Variants in HIVEP3 observed in about 807,000 individuals in gnomAD.
The protein encoded by HIVEP3 is transcription factor HIVEP3.
HIVEP3 carries 49 observed loss-of-function variants against 152.8 expected under a neutral mutation model. That is an observed-to-expected ratio of 0.32 (90% CI 0.26 to 0.41). HIVEP3 has a LOEUF of 0.41. HIVEP3 is among the 10% of genes least tolerant of loss of function. The pLI is 1.00. For missense variants in HIVEP3, 2,790 were observed against 3,103.3 expected, an observed-to-expected ratio of 0.90 and a Z score of 2.40; for synonymous variants, 1,269 against 1,289.0, an observed-to-expected ratio of 0.98 and a Z score of 0.33.
intron 2 of HIVEP3, among the ~76,000 whole-genome samples, chr1:41,637,110 C>T (rs1044818338): frequency 6.6e-6 from 1 of 152,182 alleles, no homozygotes; most frequent in South Asian, 2.1e-4. Context: ...AATCTTTTAA[C>T]CGTGTCTACC....
intron 1 of HIVEP3, among the ~76,000 whole-genome samples, chr1:41,963,015 G>GT (rs567442914): frequency 7.3e-4 from 110 of 151,538 alleles, no homozygotes; most frequent in Middle Eastern, 3.4e-3. Flanking sequence ...GTTTTTTTTT[G>GT]TTTTTTGTTT....
chr1:42,019,208 T>C (rs1346101125), intron 1 of HIVEP3, among the ~76,000 whole-genome samples: 1 of 152,064 alleles, frequency 6.6e-6, no homozygotes, highest in Non-Finnish European at 1.5e-5. Context: ...TCTTAATTAT[T>C]GTGATGGCTT....
Position 41,634,011 on chromosome 1 carries a change from C to T in HIVEP3, c.-720-5064G>A, listed in dbSNP as rs117834730. On this transcript the variant is annotated intron_variant, in intron 2 of 8. Transcript: ENST00000372583. ...CATCATTTACAACAGGGCAGACCTC[C>T]GAGCTTGGAGGAAAAAGGGTTAAAA... 3.5e-3 allele frequency among the ~76,000 whole-genome samples: 525 copies of T among 152,120 alleles called. 5 individuals carry two copies. Among genetic ancestry groups the T allele is most frequent in the South Asian group, 0.034 (163 of 4,812 alleles).
chr1:41,653,329 C>T (rs190362501), intron 2 of HIVEP3, among the ~76,000 whole-genome samples: 4 of 152,160 alleles, frequency 2.6e-5, no homozygotes, highest in Admixed American at 1.3e-4. Context: ...CACACACACT[C>T]ACATTCACAA....
intron 3 of HIVEP3, among the ~76,000 whole-genome samples, chr1:41,604,180 C>T (rs1644785019): frequency 1.3e-5 from 2 of 152,144 alleles, no homozygotes; most frequent in Non-Finnish European, 2.9e-5. Context: ...AAGACTATAT[C>T]CTATAGAAAT....
At chr1:41,814,323 C>T (rs1390627052) in intron 1 of HIVEP3, among the ~76,000 whole-genome samples, 2 of 152,166 alleles carry the variant, frequency 1.3e-5, no homozygotes, top group Non-Finnish European at 2.9e-5. Context: ...AGTGGGGTCA[C>T]GTGGGGACAG....
Position 41,583,214 on chromosome 1 carries a change from C to G in HIVEP3, c.1584G>C (p.Pro528=), listed in dbSNP as rs377655796. 1 of 1,608,402 alleles carries G rather than the reference C, an allele frequency of 6.2e-7. No individual in the cohort carries two copies. The highest frequency in any genetic ancestry group is 8.5e-7 in the Non-Finnish European group (1 of 1,176,322). The change falls in exon 4 of 9, where the codon CCG becomes CCC. Residue 528 remains proline, a synonymous_variant. Coordinates refer to ENST00000372583, the MANE Select transcript of HIVEP3 (RefSeq NM_024503.5). The surrounding 1 kb of genome is among the most constrained non-coding windows in gnomAD (Gnocchi z 6.9). The part of the protein sequence containing the change: ...PEQSLLSLQH[P]PSTAPPVPLL... ...GAGGCACAGGGGGGGCGGTACTGGG[C>G]GGGTGCTGGAGGCTCAGCAGTGATT...
chr1:41,722,403 G>GCCTGCCTGCCTTCCTTCCTT (rs1553253035), intron 1 of HIVEP3, among the ~76,000 whole-genome samples: 24 of 113,054 alleles, frequency 2.1e-4, no homozygotes, highest in African/African-American at 8.7e-4. Flanking sequence ...AATTTGGCTG[G>GCCTGCCTGCCTTCCTTCCTT]CCTTCCTTCC....
chr1:41,843,909 C>T (rs1040644474), intron 1 of HIVEP3, among the ~76,000 whole-genome samples: 1 of 151,920 alleles, frequency 6.6e-6, no homozygotes, highest in Non-Finnish European at 1.5e-5. Flanking sequence ...CTCCCCCCTC[C>T]GTGTGTGGGG....
At chr1:41,526,080 CA>C in intron 5 of HIVEP3, among the ~76,000 whole-genome samples, 1 of 152,124 alleles carries the variant, frequency 6.6e-6, no homozygotes, top group South Asian at 2.1e-4. Flanking sequence ...AGGAGGTGAG[CA>C]AGGGACAGCG....
chr1:41,563,223 T>C (rs1308173861), intron 5 of HIVEP3, among the ~76,000 whole-genome samples: 1 of 152,082 alleles, frequency 6.6e-6, no homozygotes, highest in African/African-American at 2.4e-5. Context: ...GGCAGGCACC[T>C]GTAATCCCAG....
chr1:41,615,079 C>T (rs925455532), intron 3 of HIVEP3, among the ~76,000 whole-genome samples: 1 of 152,180 alleles, frequency 6.6e-6, no homozygotes, highest in Non-Finnish European at 1.5e-5. Flanking sequence ...ACCACCGTTA[C>T]AAGTTTTCTC....
At chr1:41,708,634 A>T (rs1646468863) in intron 1 of HIVEP3, among the ~76,000 whole-genome samples, 1 of 152,130 alleles carries the variant, frequency 6.6e-6, no homozygotes, top group African/African-American at 2.4e-5. Flanking sequence ...ATTCCGTAAG[A>T]TTCTCATTAT....
At chr1:41,949,721 C>T (rs979518597) in intron 1 of HIVEP3, among the ~76,000 whole-genome samples, 2 of 152,168 alleles carry the variant, frequency 1.3e-5, no homozygotes, top group East Asian at 1.9e-4. Context: ...CTTTAACCTC[C>T]TTGTTAAGCT....
At chr1:41,854,432 C>T (rs1008928150) in intron 1 of HIVEP3, among the ~76,000 whole-genome samples, 4 of 151,856 alleles carry the variant, frequency 2.6e-5, no homozygotes, top group Non-Finnish European at 2.9e-5. Context: ...GACTCCTGTT[C>T]GCTCACCCCT....
chr1:41,628,922 A>T lies in HIVEP3; in HGVS notation c.-695T>A, dbSNP rs866199737. On this transcript the variant is annotated 5_prime_UTR_variant, in exon 3 of 9. Coordinates refer to ENST00000372583, the MANE Select transcript of HIVEP3 (RefSeq NM_024503.5). Reference sequence around the variant, plus strand: ...CGAGGCTCCTCCATGAACTAGGTTGAGGCTGCTGGGTTTGTGCCTCGAATC... The same window carrying T: ...CGAGGCTCCTCCATGAACTAGGTTGTGGCTGCTGGGTTTGTGCCTCGAATC... The T allele has an allele frequency of 1.6e-5, 20 of 1,231,282 alleles. No homozygotes were observed. In the Middle Eastern group the frequency reaches 1.2e-3, roughly 77 times the overall value. 76.3% of individuals were successfully genotyped at this position (1,231,282 alleles called of 1,614,324 possible). A position where few individuals can be genotyped will look rare whatever the true frequency, so the allele number is the denominator to read the frequency against.
intron 3 of HIVEP3, among the ~76,000 whole-genome samples, chr1:41,620,893 G>C (rs1191425421): frequency 6.6e-6 from 1 of 152,208 alleles, no homozygotes; most frequent in African/African-American, 2.4e-5. Context: ...GGGTACCGGA[G>C]GCATTTGCCT....
intron 1 of HIVEP3, among the ~76,000 whole-genome samples, chr1:41,739,772 C>A (rs1646970546): frequency 6.6e-6 from 1 of 152,222 alleles, no homozygotes; most frequent in Admixed American, 6.5e-5. Flanking sequence ...ATGAGAAAAA[C>A]TGAGGCTCTC....
At chr1:41,525,045 G>C (rs531253112) in intron 5 of HIVEP3, 135 bp from the exon 6 acceptor site, 2 of 816,128 alleles carry the variant, frequency 2.5e-6, no homozygotes, top group Admixed American at 2.6e-5. Context: ...GAACCAGAGA[G>C]GACCACGAGA....
Sources: gnomAD v4.1 joint callset for allele counts (sites outside exome capture counted in the v4.1 genomes callset) on GRCh38, gnomAD v4.1.1 for gene constraint, Gnocchi (gnomAD v3.1) non-coding constraint, MANE v1.5 for transcripts, NCBI Gene and HGNC (gene_info 2026-07-23, HGNC 2026-07-21) for gene names.